AKR1C1: variants seen among roughly 807,000 people sequenced by gnomAD.
AKR1C1 encodes aldo-keto reductase family 1 member C1, also known as 20 alpha-hydroxysteroid dehydrogenase.
Under a neutral mutation model 40.6 loss-of-function variants are expected in AKR1C1, and 32 were observed. That is an observed-to-expected ratio of 0.79 (90% CI 0.60 to 1.06). The LOEUF (loss-of-function observed/expected upper bound fraction) is 1.06. Ranked by LOEUF, AKR1C1 falls within the 50% of genes least tolerant of loss-of-function variation. AKR1C1 has a pLI of 0.00. For synonymous variants in AKR1C1, 105 were observed against 134.2 expected (o/e 0.78, Z 1.50); for missense variants, 320 against 363.5 (o/e 0.88, Z 0.97).
Position 4,963,434 on chromosome 10 carries a change from T to C in AKR1C1, c.-11T>C, listed in dbSNP as rs200933984. 4.8e-5 allele frequency: 78 copies of C among 1,613,774 alleles called. No homozygotes were observed. In the East Asian group the frequency reaches 1.1e-3, roughly 24 times the overall value. On this transcript the variant is annotated 5_prime_UTR_variant, in exon 1 of 9. Transcript: ENST00000380872. ...AGAAAGAAACATTTGCCAGCCAGGCTAGTGACAGAAATGGATTCGAAATAT... is the reference window on the plus strand; with the variant it reads ...AGAAAGAAACATTTGCCAGCCAGGCCAGTGACAGAAATGGATTCGAAATAT...
chr10:4,967,077 T>G (rs762185747), intron 3 of AKR1C1, 34 bp downstream of exon 3: 11 of 1,584,218 alleles, frequency 6.9e-6, no homozygotes, highest in Non-Finnish European at 9.5e-6. Flanking sequence ...TAATTTCACT[T>G]TTGTTCTCAG....
At chr10:4,964,039 G>C (rs1034075876) in intron 1 of AKR1C1, 1 of 554,714 alleles carries the variant, frequency 1.8e-6, no homozygotes, top group South Asian at 2.6e-5. Context: ...TACCTGAAAC[G>C]ATAAAATATC....
rs12360243 is a variant in AKR1C1 at position 4,982,042 on chromosome 10, C to G, written c.*4300C>G. The stretch of plus-strand genomic sequence containing the variant: ...GGTGAGGCTCACTGTGGGGGGCGCA[C>G]GGCAAGCTATTCAACATTACGTACA... On this transcript the variant is annotated 3_prime_UTR_variant, in exon 9 of 9. Coordinates refer to ENST00000380872, the MANE Select transcript of AKR1C1 (RefSeq NM_001353.6). 2 of 151,944 alleles carry G rather than the reference C, an allele frequency of 1.3e-5. No homozygotes were observed. Among genetic ancestry groups the G allele is most frequent in the Admixed American group, 6.6e-5 (1 of 15,236 alleles). 9.4% of individuals were successfully genotyped at this position (151,944 alleles called of 1,614,324 possible).
chr10:4,964,902 T>A (rs1282261842), intron 1 of AKR1C1, among the ~76,000 whole-genome samples: 1 of 152,212 alleles, frequency 6.6e-6, no homozygotes, highest in African/African-American at 2.4e-5. Flanking sequence ...ATAAACCTGC[T>A]GGTATCTGAT....
rs1399521261 is a variant in AKR1C1, at chr10:4,980,948, C to A, written c.*3206C>A. On this transcript the variant is annotated 3_prime_UTR_variant, in exon 9 of 9. Transcript: ENST00000380872. ...AGCTGTAGACTTATGAAATGTATTT[C>A]CTGAACCATAAAACAAGAACATCAA... 2 of 152,210 alleles carry A rather than the reference C, an allele frequency of 1.3e-5. No homozygotes were observed. Among genetic ancestry groups the A allele is most frequent in the Non-Finnish European group, 2.9e-5 (2 of 68,034 alleles). The allele number at this position is 152,210 out of a possible 1,614,324, so 9.4% of individuals were successfully genotyped here. A position where few individuals can be genotyped will look rare whatever the true frequency, so the allele number is the denominator to read the frequency against.
intron 5 of AKR1C1, among the ~76,000 whole-genome samples, chr10:4,970,420 A>T (rs1420239458): frequency 6.6e-6 from 1 of 152,318 alleles, no homozygotes; most frequent in South Asian, 2.1e-4. Flanking sequence ...AAGTTAGATG[A>T]GAGTGTTTTA....
chr10:4,977,558 C>T lies in AKR1C1; in HGVS notation c.930-142C>T, dbSNP rs187559938. ...ATATGATAAAGTCACATTCATTAAA[C>T]AAAGAAACACAGATTCTAGAGCAGT... On this transcript the variant is annotated intron_variant, in intron 8 of 8. Transcript: ENST00000380872. 175 of 867,800 alleles carry T rather than the reference C, an allele frequency of 2.0e-4. 2 individuals carry two copies. Among genetic ancestry groups the T allele is most frequent in the South Asian group, 1.8e-3 (94 of 52,246 alleles). 53.8% of individuals were successfully genotyped at this position (867,800 alleles called of 1,614,324 possible).
In AKR1C1 at chr10:4,981,689, A is replaced by G. The variant is rs1836619377; in HGVS notation, c.*3947A>G. On this transcript the variant is annotated 3_prime_UTR_variant, in exon 9 of 9. Coordinates refer to ENST00000380872, the MANE Select transcript of AKR1C1 (RefSeq NM_001353.6). ...ATTCTGAGGGGAGAGAGTTCACTCC[A>G]GAGCATACATCCCCACTGGGGATCT... The G allele has an allele frequency of 6.6e-6, 1 of 152,318 alleles. No homozygotes were observed. Among genetic ancestry groups the G allele is most frequent in the South Asian group, 2.1e-4 (1 of 4,838 alleles). 9.4% of individuals were successfully genotyped at this position (152,318 alleles called of 1,614,324 possible).
intron 5 of AKR1C1, among the ~76,000 whole-genome samples, chr10:4,969,444 A>G (rs1272065372): frequency 6.6e-6 from 1 of 152,146 alleles, no homozygotes; most frequent in Admixed American, 6.5e-5. Flanking sequence ...AAGGGCATAG[A>G]TACACTAAAA....
At chr10:4,969,800 T>C in intron 5 of AKR1C1, 2 of 1,529,982 alleles carry the variant, frequency 1.3e-6, no homozygotes, top group Admixed American at 1.9e-5. Context: ...TCCCAGTAAA[T>C]TACATTTTTT....
intron 4 of AKR1C1, 76 bp from the exon 5 acceptor site, chr10:4,968,746 C>G (rs1564315837): frequency 1.2e-6 from 2 of 1,607,318 alleles, no homozygotes; most frequent in Non-Finnish European, 1.7e-6. Context: ...ATTGTCATAT[C>G]TAGACAGTTG....
rs200909708 is a variant in AKR1C1 at position 4,968,825 on chromosome 10, G to C, written c.451G>C (p.Val151Leu). 1 of 1,613,964 alleles carries C rather than the reference G, an allele frequency of 6.2e-7. No homozygotes were observed. Among genetic ancestry groups the C allele is most frequent in the South Asian group, 1.1e-5 (1 of 91,058 alleles). The change falls in exon 5 of 9, where the codon GTG (valine) becomes CTG (leucine). Residue 151 changes from valine to leucine, a missense_variant. Around this residue, in one of 3 missense-constraint regions of AKR1C1, gnomAD observed 214 missense variants for 214.8 expected, o/e 1.00. Coordinates refer to ENST00000380872, the MANE Select transcript of AKR1C1 (RefSeq NM_001353.6). ...CCTCACAATTCCTTTTTCCCAGGCC[G>C]TGGAGAAGTGTAAAGATGCAGGATT... ...TVDLCATWEAVEKCKDAGLAK... is the reference protein window; with the variant it reads ...TVDLCATWEALEKCKDAGLAK...
In AKR1C1 at chr10:4,968,333, G is replaced by A; in HGVS notation, c.394G>A (p.Asp132Asn). 6.4e-7 allele frequency: 1 copy of A among 1,566,508 alleles called. No homozygotes were observed. Among genetic ancestry groups the A allele is most frequent in the Non-Finnish European group, 8.7e-7 (1 of 1,151,298 alleles). ...VKPGEEVIPK[D>N]ENGKILFDTV... ...GCCAGGTGAGGAAGTGATCCCAAAA[G>A]ATGAAAATGGAAAAATACTATTTGA... is the stretch of plus-strand genomic sequence containing the variant. Residue 132 changes from aspartate to asparagine, a missense_variant, in exon 4 of 9, where the codon GAT becomes AAT. By Grantham distance (23) the Asp-to-Asn change is conservative (BLOSUM62 1). Transcript: ENST00000380872.
rs1836646848 is a variant in AKR1C1, at chr10:4,983,189, C to T, written c.*5447C>T. On this transcript the variant is annotated 3_prime_UTR_variant, in exon 9 of 9. Transcript: ENST00000380872. ...ACTGCCCTGCACACACATGAGAGCG[C>T]AGCCAGGAACAGAAGGACTGGGCAA... The T allele has an allele frequency of 5.3e-6, 1 of 187,038 alleles. No homozygotes were observed. The highest frequency in any genetic ancestry group is 2.4e-5 in the African/African-American group (1 of 41,972). The allele number at this position is 187,038 out of a possible 1,614,324, so 11.6% of individuals were successfully genotyped here.
chr10:4,969,718 T>A (rs1836394241), intron 5 of AKR1C1: 1 of 1,612,190 alleles, frequency 6.2e-7, no homozygotes, highest in Non-Finnish European at 8.5e-7. Context: ...GACTGGTGAT[T>A]CCAGGCCTCC....
At position 4,972,598 on chromosome 10, in the gene AKR1C1, C is replaced by T. The variant is rs1554769963; in HGVS notation, c.695C>T (p.Ser232Phe). 2 of 1,613,838 alleles carry T rather than the reference C, an allele frequency of 1.2e-6. No homozygotes were observed. Among genetic ancestry groups the T allele is most frequent in the Non-Finnish European group, 1.7e-6 (2 of 1,179,974 alleles). ...HREEPWVDPN[S>F]PVLLEDPVLC... ...TTTCCTTCCAGGGTGGACCCGAACT[C>T]CCCGGTGCTCTTGGAGGACCCAGTC... The change falls in exon 7 of 9, where the codon TCC becomes TTC. Residue 232 changes from serine (S) to phenylalanine (F), a missense_variant. Ser to Phe is a radical substitution (Grantham distance 155). Coordinates refer to ENST00000380872, the MANE Select transcript of AKR1C1 (RefSeq NM_001353.6).
intron 6 of AKR1C1, 33 bp downstream of exon 6, chr10:4,972,343 A>G: frequency 6.4e-7 from 1 of 1,567,892 alleles, no homozygotes; most frequent in East Asian, 2.3e-5. Context: ...TACCTAAAAC[A>G]CCGGTTTGAT....
intron 1 of AKR1C1, among the ~76,000 whole-genome samples, chr10:4,964,267 G>T (rs1388887801): frequency 6.6e-6 from 1 of 152,222 alleles, no homozygotes; most frequent in Admixed American, 6.5e-5. Flanking sequence ...AATACAATGT[G>T]TGTGAATAGG....
chr10:4,976,465 C>T (rs1554770468), intron 8 of AKR1C1, among the ~76,000 whole-genome samples: 1 of 152,146 alleles, frequency 6.6e-6, no homozygotes, highest in African/African-American at 2.4e-5. Flanking sequence ...CCTGTCTTTG[C>T]ATGTTTGCCC....
Sources: gnomAD v4.1 joint callset for allele counts (sites outside exome capture counted in the v4.1 genomes callset) on GRCh38, gnomAD v4.1.1 for gene constraint, gnomAD v4.1.1 regional missense constraint, MANE v1.5 for transcripts, NCBI Gene and HGNC (gene_info 2026-07-23, HGNC 2026-07-21) for gene names.